NKAIN2: variants seen among roughly 807,000 people sequenced by gnomAD.
NKAIN2 encodes sodium/potassium-transporting ATPase subunit beta-1-interacting protein 2.
Under a neutral mutation model 32.6 loss-of-function variants are expected in NKAIN2, and 14 were observed. That is an observed-to-expected ratio of 0.43 (90% confidence interval 0.28 to 0.67). The LOEUF is 0.67. Among genes scored for constraint, NKAIN2 ranks in the 30% least tolerant of loss-of-function variants. The pLI is 0.17. For missense variants in NKAIN2, 198 were observed against 258.3 expected (o/e 0.77, Z 1.60); for synonymous variants, 80 against 87.2 (o/e 0.92, Z 0.46).
At chr6:123,936,815 T>C (rs556062309) in intron 1 of NKAIN2, among the ~76,000 whole-genome samples, 1 of 152,226 alleles carries the variant, frequency 6.6e-6, no homozygotes, top group East Asian at 1.9e-4. Context: ...GATAACAAAA[T>C]GAATTAATAT....
chr6:124,480,586 GTAT>G (rs60818370), intron 3 of NKAIN2, among the ~76,000 whole-genome samples: 3,044 of 149,352 alleles, frequency 0.02, 51 homozygotes, highest in African/African-American at 0.023. Flanking sequence ...AGATGTTGAG[GTAT>G]TATTATTATT....
intron 3 of NKAIN2, among the ~76,000 whole-genome samples, chr6:124,642,909 C>T (rs1445548097): frequency 6.6e-6 from 1 of 152,080 alleles, no homozygotes; most frequent in Non-Finnish European, 1.5e-5. Flanking sequence ...ATTAAAAGCA[C>T]TGCTCCTGGT....
At chr6:124,681,130 A>C (rs570782765) in intron 4 of NKAIN2, among the ~76,000 whole-genome samples, 1 of 152,062 alleles carries the variant, frequency 6.6e-6, no homozygotes, top group African/African-American at 2.4e-5. Flanking sequence ...CAGGGTTAGG[A>C]CGATAAGCAC....
chr6:123,945,105 G>A (rs543640410), intron 1 of NKAIN2, among the ~76,000 whole-genome samples: 19 of 152,140 alleles, frequency 1.2e-4, no homozygotes, highest in African/African-American at 4.6e-4. Flanking sequence ...AGATGATAAG[G>A]CACTCACATT....
chr6:124,469,875 CT>C (rs1299841098), intron 3 of NKAIN2, among the ~76,000 whole-genome samples: 1 of 152,164 alleles, frequency 6.6e-6, no homozygotes, highest in African/African-American at 2.4e-5. Flanking sequence ...CCCGTCACCT[CT>C]TCTTATCTTC....
At chr6:124,408,298 T>C (rs1030994600) in intron 3 of NKAIN2, among the ~76,000 whole-genome samples, 1 of 152,216 alleles carries the variant, frequency 6.6e-6, no homozygotes, top group African/African-American at 2.4e-5. Flanking sequence ...TGGTATTGTC[T>C]AGGTTTTCTT....
chr6:123,852,713 G>A (rs982130061), intron 1 of NKAIN2, among the ~76,000 whole-genome samples: 1 of 152,138 alleles, frequency 6.6e-6, no homozygotes, highest in African/African-American at 2.4e-5. Flanking sequence ...AGATGAACGT[G>A]GAGAACATTA....
chr6:124,127,305 A>G (rs988989969), intron 1 of NKAIN2, among the ~76,000 whole-genome samples: 2 of 152,164 alleles, frequency 1.3e-5, no homozygotes, highest in African/African-American at 4.8e-5. Context: ...GTCACGGTTC[A>G]GAGGGGAAGA....
At chr6:124,230,953 T>C (rs1297966734) in intron 1 of NKAIN2, among the ~76,000 whole-genome samples, 3 of 152,154 alleles carry the variant, frequency 2.0e-5, no homozygotes, top group Non-Finnish European at 2.9e-5. Flanking sequence ...CCCACAATGG[T>C]AGATCCACTG....
At chr6:124,184,403 CCTGT>C (rs1789603942) in intron 1 of NKAIN2, among the ~76,000 whole-genome samples, 1 of 152,070 alleles carries the variant, frequency 6.6e-6, no homozygotes, top group South Asian at 2.1e-4. Context: ...TATGTTTTAG[CCTGT>C]CTAACTCCTT....
At chr6:124,095,402 G>A (rs1784609122) in intron 1 of NKAIN2, among the ~76,000 whole-genome samples, 2 of 152,112 alleles carry the variant, frequency 1.3e-5, no homozygotes, top group Admixed American at 1.3e-4. Context: ...GCTTGCTGTT[G>A]TCACTTAAAA....
intron 3 of NKAIN2, among the ~76,000 whole-genome samples, chr6:124,595,339 G>C (rs1365823769): frequency 6.6e-6 from 1 of 152,178 alleles, no homozygotes; most frequent in Non-Finnish European, 1.5e-5. Flanking sequence ...CTGCTTCAAA[G>C]TGGGACTCCA....
chr6:124,563,060 T>C (rs757767572), intron 3 of NKAIN2, among the ~76,000 whole-genome samples: 6 of 152,066 alleles, frequency 3.9e-5, no homozygotes, highest in Admixed American at 1.3e-4. Context: ...CTCTCTACCA[T>C]GCCCGGCTAA....
At chr6:124,581,445 C>CAAAAAAAAAAAA (rs57280967) in intron 3 of NKAIN2, among the ~76,000 whole-genome samples, 1 of 81,426 alleles carries the variant, frequency 1.2e-5, no homozygotes, top group Non-Finnish European at 2.3e-5. Flanking sequence ...GACTCCGTCT[C>CAAAAAAAAAAAA]AAAAAAAAAA....
At chr6:124,693,085 G>C (rs1007891710) in intron 4 of NKAIN2, among the ~76,000 whole-genome samples, 10 of 152,162 alleles carry the variant, frequency 6.6e-5, no homozygotes, top group Non-Finnish European at 1.3e-4. Flanking sequence ...ATTCAGAAGT[G>C]TGCTAAGTAA....
intron 1 of NKAIN2, among the ~76,000 whole-genome samples, chr6:123,860,636 C>A (rs1212318504): frequency 6.6e-6 from 1 of 152,136 alleles, no homozygotes; most frequent in Non-Finnish European, 1.5e-5. Context: ...TCCTGAAACT[C>A]CTGGGCCCAA....
chr6:124,374,297 AAG>A (rs982102846), intron 3 of NKAIN2, among the ~76,000 whole-genome samples: 1 of 152,054 alleles, frequency 6.6e-6, no homozygotes, highest in Non-Finnish European at 1.5e-5. Context: ...AAAAGGTATA[AAG>A]AGAGTTTTGA....
intron 1 of NKAIN2, among the ~76,000 whole-genome samples, chr6:124,237,151 G>T (rs1792815259): frequency 6.6e-6 from 1 of 152,058 alleles, no homozygotes. Flanking sequence ...TCAGAAAATA[G>T]GAAAGAATAG....
In NKAIN2 at chr6:124,687,361, A is replaced by ATG. The variant is rs1248582661; in HGVS notation, c.474+28976_474+28977insGT. On this transcript the variant is annotated intron_variant, in intron 4 of 6. Coordinates refer to ENST00000368417, the MANE Select transcript of NKAIN2 (RefSeq NM_001040214.3). ...CATATACATATAATATATATATTCC[A>ATG]TACATACACATACATGGAATATATA... 1.2e-4 allele frequency among the ~76,000 whole-genome samples: 16 copies of ATG among 134,500 alleles called. No individual in the cohort carries two copies. The South Asian group carries it at 1.3e-3, about 11-fold the overall frequency. The allele number at this position is 134,500 out of a possible 152,430, so 88.2% of individuals were successfully genotyped here.
Sources: allele counts gnomAD v4.1 joint callset (sites outside exome capture counted in the v4.1 genomes callset), GRCh38; gene constraint gnomAD v4.1.1; transcripts MANE v1.5; gene names NCBI Gene and HGNC (gene_info 2026-07-23, HGNC 2026-07-21).